Variants in RBMS1 observed in about 807,000 individuals in gnomAD.
The protein encoded by RBMS1 is RNA-binding motif, single-stranded-interacting protein 1.
RBMS1 carries 17 observed loss-of-function variants against 62.3 expected under a neutral mutation model. The ratio of observed to expected loss-of-function variants is 0.27; its 90% CI spans 0.19 to 0.41. The LOEUF (loss-of-function observed/expected upper bound fraction) is 0.41. Ranked by LOEUF, RBMS1 falls within the 10% of genes least tolerant of loss-of-function variation. The pLI is 1.00. For synonymous variants in RBMS1, 172 were observed against 170.0 expected, an observed-to-expected ratio of 1.01 and a Z score of -0.09; for missense variants, 334 against 504.5, an observed-to-expected ratio of 0.66 and a Z score of 3.24.
In RBMS1 at chr2:160,321,499, A is replaced by T. The variant is rs532113785; in HGVS notation, c.252-3272T>A. Reference sequence around the variant, plus strand: ...CCTTGTGTGTGTATGTGTTTTTTTTAAAACTCACCAAAGCTTTGGTTTTTC... The same window carrying T: ...CCTTGTGTGTGTATGTGTTTTTTTTTAAACTCACCAAAGCTTTGGTTTTTC... On this transcript the variant is annotated intron_variant, in intron 2 of 13. Coordinates refer to ENST00000348849, the MANE Select transcript of RBMS1 (RefSeq NM_016836.4). Among the ~76,000 whole-genome samples the T allele has an allele frequency of 1.8e-4, 27 of 152,100 alleles. No homozygotes were observed. In the East Asian group the frequency reaches 4.3e-3, roughly 24 times the overall value.
intron 1 of RBMS1, among the ~76,000 whole-genome samples, chr2:160,479,378 A>T (rs1452098143): frequency 6.6e-6 from 1 of 152,222 alleles, no homozygotes; most frequent in Non-Finnish European, 1.5e-5. Flanking sequence ...TGTTCTGCCA[A>T]ACCATGAGAA....
At chr2:160,292,329 A>C (rs564418558) in intron 6 of RBMS1, among the ~76,000 whole-genome samples, 1 of 152,252 alleles carries the variant, frequency 6.6e-6, no homozygotes, top group South Asian at 2.1e-4. Context: ...AGTTAACATA[A>C]TAAGTGCTTA....
intron 1 of RBMS1, among the ~76,000 whole-genome samples, chr2:160,475,787 G>T (rs1685097244): frequency 6.6e-6 from 1 of 151,214 alleles, no homozygotes; most frequent in African/African-American, 2.4e-5. Context: ...AAATTTAATT[G>T]CTTTTCAATT....
intron 6 of RBMS1, among the ~76,000 whole-genome samples, chr2:160,287,931 A>T (rs1302041476): frequency 1.3e-5 from 2 of 150,316 alleles, no homozygotes; most frequent in Non-Finnish European, 3.0e-5. Context: ...CTTATAATAT[A>T]TATTACTATA....
chr2:160,397,318 A>G (rs1695200845), intron 1 of RBMS1, among the ~76,000 whole-genome samples: 1 of 151,956 alleles, frequency 6.6e-6, no homozygotes, highest in Admixed American at 6.6e-5. Context: ...TCCTTACTGA[A>G]TCCTAAGCTT....
intron 1 of RBMS1, chr2:160,407,816 G>A: frequency 1.0e-6 from 1 of 981,306 alleles, no homozygotes; most frequent in Non-Finnish European, 1.2e-6. Context: ...GTTCGCGCGC[G>A]GAGCTGGCGG....
intron 1 of RBMS1, among the ~76,000 whole-genome samples, chr2:160,481,818 C>A (rs1410921962): frequency 1.3e-5 from 2 of 152,134 alleles, no homozygotes; most frequent in Admixed American, 1.3e-4. Context: ...TATCCACTCA[C>A]CAGAAGGGCT....
chr2:160,379,625 G>C (rs556555646), intron 1 of RBMS1, among the ~76,000 whole-genome samples: 2 of 152,304 alleles, frequency 1.3e-5, no homozygotes, highest in South Asian at 4.1e-4. Flanking sequence ...AATGTTTACA[G>C]AAATCGGATG....
In RBMS1 at chr2:160,408,466, T is replaced by TA. The variant is rs1416471510; in HGVS notation, c.76-41076dup. 6 of 152,250 alleles carry TA rather than the reference T, an allele frequency of 3.9e-5. No individual in the cohort carries two copies. In the East Asian group the frequency reaches 1.2e-3, roughly 29 times the overall value. 9.4% of individuals were successfully genotyped at this position (152,250 alleles called of 1,614,324 possible). On this transcript the variant is annotated intron_variant, in intron 1 of 13. Coordinates refer to ENST00000348849, the MANE Select transcript of RBMS1 (RefSeq NM_016836.4). ...TCCACTCCCCAGCCCCTCACCCAAATACGATCGGTAAAGTTTTGTTTTATC... is the reference window on the plus strand; with the variant it reads ...TCCACTCCCCAGCCCCTCACCCAAATAACGATCGGTAAAGTTTTGTTTTATC...
chr2:160,396,731 A>AT (rs1380316568), intron 1 of RBMS1, among the ~76,000 whole-genome samples: 3 of 151,330 alleles, frequency 2.0e-5, no homozygotes, highest in African/African-American at 7.3e-5. Context: ...AGCCCGGCTG[A>AT]TTTTTGTATT....
At chr2:160,446,622 G>T (rs1008423075) in intron 1 of RBMS1, among the ~76,000 whole-genome samples, 2 of 152,122 alleles carry the variant, frequency 1.3e-5, no homozygotes, top group African/African-American at 4.8e-5. Context: ...TTTGGAAACC[G>T]TGTATGTGAG....
At chr2:160,419,840 A>G (rs956878710) in intron 1 of RBMS1, among the ~76,000 whole-genome samples, 2 of 152,252 alleles carry the variant, frequency 1.3e-5, no homozygotes, top group Non-Finnish European at 2.9e-5. Context: ...TTAAAAAGTT[A>G]TGAGACTACA....
At chr2:160,378,132 G>A (rs760070362) in intron 1 of RBMS1, among the ~76,000 whole-genome samples, 1 of 137,238 alleles carries the variant, frequency 7.3e-6, no homozygotes. Flanking sequence ...ATATCCAGTT[G>A]CTTGCTTTAA....
chr2:160,399,967 T>A lies in RBMS1; in HGVS notation c.76-32576A>T, dbSNP rs116590400. On this transcript the variant is annotated intron_variant, in intron 1 of 13. Coordinates refer to ENST00000348849, the MANE Select transcript of RBMS1 (RefSeq NM_016836.4). ...CAATTTTGCAAAGTGATACATCAAC[T>A]AGCAAAGTAAGAAACAAACAAGGTA... 4.7e-3 allele frequency among the ~76,000 whole-genome samples: 719 copies of A among 152,326 alleles called. 3 individuals are homozygous for A. The highest frequency in any genetic ancestry group is 0.016 in the African/African-American group (675 of 41,572).
chr2:160,311,224 C>CTA lies in RBMS1; in HGVS notation c.402+1930_402+1931dup, dbSNP rs1553505400. Reference sequence around the variant, plus strand: ...AAAAAAAAAAAATCTATCTATCTATCTATCTATCTATATATATATATATAT... The same window carrying CTA: ...AAAAAAAAAAAATCTATCTATCTATCTATATCTATCTATATATATATATATAT... On this transcript the variant is annotated intron_variant, in intron 4 of 13. Transcript: ENST00000348849. 3.0e-3 allele frequency among the ~76,000 whole-genome samples: 172 copies of CTA among 56,542 alleles called. 2 individuals are homozygous for CTA. The highest frequency in any genetic ancestry group is 9.0e-3 in the African/African-American group (145 of 16,184). The allele number at this position is 56,542 out of a possible 152,430, so 37.1% of individuals were successfully genotyped here.
rs542673742 is a variant in RBMS1 at position 160,311,143 on chromosome 2, C to T, written c.402+2013G>A. Among the ~76,000 whole-genome samples the T allele has an allele frequency of 1.5e-4, 22 of 147,152 alleles. No individual in the cohort carries two copies. The South Asian group carries it at 4.8e-3, about 32-fold the overall frequency. The stretch of plus-strand genomic sequence containing the variant: ...TGGAGGGGCAGAGGTTGCAGTAAGC[C>T]AAGATTGTGCCACTGCACTCCAGCC... On this transcript the variant is annotated intron_variant, in intron 4 of 13. Coordinates refer to ENST00000348849, the MANE Select transcript of RBMS1 (RefSeq NM_016836.4).
intron 1 of RBMS1, chr2:160,407,457 G>A: frequency 7.1e-6 from 7 of 986,208 alleles, no homozygotes; most frequent in Non-Finnish European, 6.0e-6. Context: ...CCCGGCCGCC[G>A]CCTCACCTGC....
At chr2:160,472,861 A>T (rs186616228) in intron 1 of RBMS1, among the ~76,000 whole-genome samples, 1 of 152,320 alleles carries the variant, frequency 6.6e-6, no homozygotes, top group Non-Finnish European at 1.5e-5. Context: ...ACACGTACTC[A>T]GATAGAATTA....
chr2:160,413,572 G>A (rs1696108422), intron 1 of RBMS1, among the ~76,000 whole-genome samples: 1 of 152,090 alleles, frequency 6.6e-6, no homozygotes, highest in Non-Finnish European at 1.5e-5. Flanking sequence ...TAAAACTATA[G>A]CTATAATCCT....
Sources: allele counts gnomAD v4.1 joint callset (sites outside exome capture counted in the v4.1 genomes callset), GRCh38; gene constraint gnomAD v4.1.1; transcripts MANE v1.5; gene names NCBI Gene and HGNC (gene_info 2026-07-23, HGNC 2026-07-21).